Variants in EXOC6B observed in about 807,000 individuals in gnomAD.
EXOC6B encodes the protein exocyst complex component 6B.
EXOC6B carries 54 observed loss-of-function variants against 113.5 expected under a neutral mutation model. The ratio of observed to expected loss-of-function variants is 0.48; its 90% CI spans 0.38 to 0.60. The LOEUF (loss-of-function observed/expected upper bound fraction) is 0.60. EXOC6B is among the 20% of genes least tolerant of loss of function. The pLI is 0.00. For synonymous variants in EXOC6B, 357 were observed against 339.0 expected (o/e 1.05, Z -0.58); for missense variants, 797 against 977.5 (o/e 0.82, Z 2.46).
chr2:72,424,738 TCAAA>T (rs1315538402), intron 18 of EXOC6B, among the ~76,000 whole-genome samples: 11 of 152,170 alleles, frequency 7.2e-5, no homozygotes, highest in East Asian at 3.8e-4. Context: ...ACTCCTGTGA[TCAAA>T]CAATTATCAA....
intron 6 of EXOC6B, among the ~76,000 whole-genome samples, chr2:72,665,595 A>G (rs1573583374): frequency 6.6e-6 from 1 of 152,158 alleles, no homozygotes; most frequent in African/African-American, 2.4e-5. Context: ...ACATCCCACC[A>G]AACTAAGCTT....
At chr2:72,388,692 C>T (rs1692199542) in intron 18 of EXOC6B, among the ~76,000 whole-genome samples, 1 of 152,070 alleles carries the variant, frequency 6.6e-6, no homozygotes, top group African/African-American at 2.4e-5. Flanking sequence ...GTCTATTCAT[C>T]TTTTCAGTTC....
intron 18 of EXOC6B, among the ~76,000 whole-genome samples, chr2:72,415,508 C>T (rs1694466206): frequency 6.6e-6 from 1 of 151,340 alleles, no homozygotes; most frequent in Non-Finnish European, 1.5e-5. Flanking sequence ...AAAGTCATTC[C>T]ATCTGTGGTT....
chr2:72,202,203 A>G (rs1679533968), intron 20 of EXOC6B, among the ~76,000 whole-genome samples: 1 of 152,322 alleles, frequency 6.6e-6, no homozygotes, highest in Non-Finnish European at 1.5e-5. Flanking sequence ...ACCTGCTCCA[A>G]TTTCTTGAAT....
chr2:72,262,719 T>C (rs1279728743), intron 20 of EXOC6B, among the ~76,000 whole-genome samples: 1 of 152,226 alleles, frequency 6.6e-6, no homozygotes, highest in African/African-American at 2.4e-5. Flanking sequence ...CTGGTTGAGA[T>C]TTGGCTTAGG....
rs1558630093 is a variant in EXOC6B, at chr2:72,401,512, TATACATATATAC to T, written c.1981-21654_1981-21643del. On this transcript the variant is annotated intron_variant, in intron 18 of 21. Transcript: ENST00000272427. ...TTATATACATATATATATATATATA[TATACATATATAC>T]ATATATATATATATATATATGTGTA... Among the ~76,000 whole-genome samples, 7 of 41,290 alleles carry T rather than the reference TATACATATATAC, an allele frequency of 1.7e-4. No individual in the cohort carries two copies. The African/African-American group carries it at 2.8e-3, about 16-fold the overall frequency. The allele number at this position is 41,290 out of a possible 152,430, so 27.1% of individuals were successfully genotyped here. A position where few individuals can be genotyped will look rare whatever the true frequency, so the allele number is the denominator to read the frequency against.
chr2:72,526,792 G>T (rs1047481745), intron 8 of EXOC6B, among the ~76,000 whole-genome samples: 1 of 151,996 alleles, frequency 6.6e-6, no homozygotes, highest in Middle Eastern at 3.4e-3. Flanking sequence ...AGAGAAAAAA[G>T]CAAACTAAAA....
Position 72,177,518 on chromosome 2 carries a change from C to T in EXOC6B, c.*1817G>A, listed in dbSNP as rs7566278. On this transcript the variant is annotated 3_prime_UTR_variant, in exon 22 of 22. Coordinates refer to ENST00000272427, the MANE Select transcript of EXOC6B (RefSeq NM_015189.3). ...CTGCCTTCTCTTGGCTTATCAAGTT[C>T]TGGGTGGCAGTGCTCATCCCTTACC... 3 of 152,352 alleles carry T rather than the reference C, an allele frequency of 2.0e-5. No homozygotes were observed. In the South Asian group the frequency reaches 6.2e-4, roughly 32 times the overall value. The allele number at this position is 152,352 out of a possible 1,614,324, so 9.4% of individuals were successfully genotyped here.
At chr2:72,769,741 G>A (rs548676224) in intron 1 of EXOC6B, among the ~76,000 whole-genome samples, 67 of 152,320 alleles carry the variant, frequency 4.4e-4, no homozygotes, top group Middle Eastern at 6.8e-3. Context: ...GAACTCAGGA[G>A]GTGGAGGTTG....
chr2:72,265,261 TTATTATTA>T lies in EXOC6B; in HGVS notation c.2196+69678_2196+69685del, dbSNP rs1423531682. On this transcript the variant is annotated intron_variant, in intron 20 of 21. Transcript: ENST00000272427. ...TCTTTTATTATTATTATTATTATTA[TTATTATTA>T]TACTTTAAGTTTGAGGGTACATGTG... 1.1e-3 allele frequency among the ~76,000 whole-genome samples: 162 copies of T among 150,882 alleles called. 1 individual carries two copies. Among genetic ancestry groups the T allele is most frequent in the Middle Eastern group, 6.9e-3 (2 of 288 alleles).
chr2:72,180,511 C>A (rs1345058434), intron 21 of EXOC6B, among the ~76,000 whole-genome samples: 11 of 152,224 alleles, frequency 7.2e-5, no homozygotes, highest in Admixed American at 7.2e-4. Flanking sequence ...CAATTGAGAA[C>A]ATGCCAAGAC....
chr2:72,486,136 G>A (rs1558719742), intron 16 of EXOC6B, among the ~76,000 whole-genome samples: 2 of 152,172 alleles, frequency 1.3e-5, no homozygotes, highest in African/African-American at 4.8e-5. Context: ...TTGGGAGGCT[G>A]AGGCGGGTGG....
chr2:72,611,857 T>A (rs1389184427), intron 6 of EXOC6B, among the ~76,000 whole-genome samples: 1 of 152,152 alleles, frequency 6.6e-6, no homozygotes, highest in Non-Finnish European at 1.5e-5. Context: ...ACAGTTTAAA[T>A]GTAAAAATCA....
At chr2:72,752,998 T>G (rs879682634) in intron 1 of EXOC6B, among the ~76,000 whole-genome samples, 8 of 152,058 alleles carry the variant, frequency 5.3e-5, no homozygotes, top group Admixed American at 5.2e-4. Flanking sequence ...AGAGATCTCA[T>G]CAATACCTCA....
intron 6 of EXOC6B, among the ~76,000 whole-genome samples, chr2:72,650,124 A>C (rs1005118126): frequency 2.0e-5 from 3 of 152,154 alleles, no homozygotes; most frequent in African/African-American, 7.2e-5. Context: ...CAGGGGTGTG[A>C]ACCCTATTGT....
intron 6 of EXOC6B, among the ~76,000 whole-genome samples, chr2:72,634,187 GT>G (rs745484692): frequency 2.8e-4 from 43 of 152,174 alleles, no homozygotes; most frequent in Non-Finnish European, 2.4e-4. Flanking sequence ...CAGCTTTCAT[GT>G]TGAGAAACTA....
chr2:72,665,599 T>G (rs772936190), intron 6 of EXOC6B, among the ~76,000 whole-genome samples: 16 of 152,094 alleles, frequency 1.1e-4, no homozygotes, highest in Non-Finnish European at 1.8e-4. Context: ...CCCACCAAAC[T>G]AAGCTTCATA....
At chr2:72,190,909 G>A (rs1410147367) in intron 20 of EXOC6B, among the ~76,000 whole-genome samples, 3 of 152,190 alleles carry the variant, frequency 2.0e-5, no homozygotes, top group African/African-American at 7.2e-5. Flanking sequence ...GAATAGGAGA[G>A]TGTTAGATTT....
intron 1 of EXOC6B, among the ~76,000 whole-genome samples, chr2:72,772,149 G>A (rs1353978795): frequency 6.6e-6 from 1 of 152,152 alleles, no homozygotes; most frequent in Non-Finnish European, 1.5e-5. Flanking sequence ...GCTCACAAGA[G>A]AGACCCTCGC....
Sources: gnomAD v4.1 joint callset for allele counts (sites outside exome capture counted in the v4.1 genomes callset) on GRCh38, gnomAD v4.1.1 for gene constraint, MANE v1.5 for transcripts, NCBI Gene and HGNC (gene_info 2026-07-23, HGNC 2026-07-21) for gene names.